The following FANCB variants were observed in gnomAD, a reference collection of about 807,000 sequenced individuals.
FANCB encodes FA complementation group B, also known as Fanconi anemia group B protein.
Under a neutral mutation model 38.9 loss-of-function variants are expected in FANCB, and 5 were observed. The observed-to-expected ratio is 0.13, with a 90% CI of 0.07 to 0.27. FANCB has a LOEUF of 0.27. FANCB is among the 10% of genes least tolerant of loss of function. The pLI is 1.00. For synonymous variants in FANCB, 236 were observed against 215.4 expected (o/e 1.10, Z -0.84); for missense variants, 573 against 602.7 (o/e 0.95, Z 0.52).
chrX:14,771,282 G>A, the FANCB span, among the ~76,000 whole-genome samples: 2 of 111,227 alleles, frequency 1.8e-5, no homozygotes, highest in South Asian at 7.6e-4. Flanking sequence ...TCAGTCGTAG[G>A]TTAGGTCTCT....
At chrX:14,749,143 C>G in the FANCB span, among the ~76,000 whole-genome samples, 1 of 111,651 alleles carries the variant, frequency 9.0e-6, no homozygotes, top group African/African-American at 3.3e-5. Flanking sequence ...ATGAAGAGGC[C>G]TTGGAGCGAA....
the FANCB span, among the ~76,000 whole-genome samples, chrX:14,825,946 T>C: frequency 8.9e-6 from 1 of 112,204 alleles, no homozygotes; most frequent in African/African-American, 3.2e-5. Context: ...ATACATTGCC[T>C]TAGCCCTGGA....
At chrX:14,741,187 T>C in the FANCB span, among the ~76,000 whole-genome samples, 1 of 111,766 alleles carries the variant, frequency 8.9e-6, no homozygotes, top group Non-Finnish European at 1.9e-5. Flanking sequence ...AGGAACCTAG[T>C]ATTACCCAGT....
At chrX:14,774,804 C>T in the FANCB span, among the ~76,000 whole-genome samples, 1 of 109,572 alleles carries the variant, frequency 9.1e-6, no homozygotes, top group Non-Finnish European at 1.9e-5. Flanking sequence ...TTTGAGGCTC[C>T]CTTCTATTTC....
At chrX:14,795,787 G>C in the FANCB span, among the ~76,000 whole-genome samples, 1 of 111,957 alleles carries the variant, frequency 8.9e-6, no homozygotes, top group East Asian at 2.8e-4. Flanking sequence ...AGAATTACCG[G>C]AGCTGGAAAG....
the FANCB span, among the ~76,000 whole-genome samples, chrX:14,826,458 T>C: frequency 8.9e-6 from 1 of 112,645 alleles, no homozygotes; most frequent in Non-Finnish European, 1.9e-5. Context: ...TTCTGTAATG[T>C]ATCCAGTTTT....
At chrX:14,706,817 A>G in the FANCB span, among the ~76,000 whole-genome samples, 1 of 112,339 alleles carries the variant, frequency 8.9e-6, no homozygotes, top group African/African-American at 3.2e-5. Context: ...TAAAACAATA[A>G]TTCTAAATAG....
At chrX:14,865,726 C>T in intron 2 of FANCB, 146 bp from the exon 3 acceptor site, 1 of 334,574 alleles carries the variant, frequency 3.0e-6, no homozygotes, top group South Asian at 8.1e-5. Flanking sequence ...CAATATCATA[C>T]TTATAAAAAA....
the FANCB span, among the ~76,000 whole-genome samples, chrX:14,767,786 T>A: frequency 8.9e-6 from 1 of 112,569 alleles, no homozygotes; most frequent in African/African-American, 3.2e-5. Context: ...TGGTATTGCC[T>A]AGATTTTCTT....
the FANCB span, among the ~76,000 whole-genome samples, chrX:14,751,015 C>T: frequency 9.0e-6 from 1 of 111,248 alleles, no homozygotes; most frequent in Non-Finnish European, 1.9e-5. Flanking sequence ...AGCAGCATAC[C>T]CTCAATAAGA....
chrX:14,772,753 C>T, the FANCB span, among the ~76,000 whole-genome samples: 64 of 111,235 alleles, frequency 5.8e-4, no homozygotes, highest in East Asian at 0.012. Flanking sequence ...GCCTGAGCAG[C>T]TGCTCTGCCA....
At chrX:14,741,465 T>G in the FANCB span, among the ~76,000 whole-genome samples, 2 of 111,592 alleles carry the variant, frequency 1.8e-5, no homozygotes, top group Admixed American at 1.9e-4. Flanking sequence ...ACCCTCACTA[T>G]GTACTAGTAA....
the FANCB span, among the ~76,000 whole-genome samples, chrX:14,692,275 A>G: frequency 1.3e-4 from 15 of 112,198 alleles, no homozygotes; most frequent in Non-Finnish European, 2.8e-4. Context: ...GCCTTTCTCA[A>G]TTTTCTCCTC....
chrX:14,853,581 A>C (rs1450626846), intron 5 of FANCB, among the ~76,000 whole-genome samples: 4 of 112,448 alleles, frequency 3.6e-5, no homozygotes, highest in Non-Finnish European at 7.5e-5. Context: ...CAAAGACAGC[A>C]TAATGAATAG....
At chrX:14,840,492 T>A (rs1261473651), downstream of FANCB, among the ~76,000 whole-genome samples, 1 of 111,379 alleles carries the variant, frequency 9.0e-6, no homozygotes, top group African/African-American at 3.3e-5. Flanking sequence ...GAACTAGGGA[T>A]GAGATTCACC....
At chrX:14,733,113 C>A in the FANCB span, among the ~76,000 whole-genome samples, 1 of 111,889 alleles carries the variant, frequency 8.9e-6, no homozygotes, top group African/African-American at 3.2e-5. Flanking sequence ...TTTCCGAACA[C>A]CAATTATTAG....
chrX:14,716,039 C>T, the FANCB span, among the ~76,000 whole-genome samples: 3 of 111,479 alleles, frequency 2.7e-5, no homozygotes, highest in African/African-American at 9.8e-5. Context: ...AAGCACTGGG[C>T]ACTGTGTGAC....
the FANCB span, among the ~76,000 whole-genome samples, chrX:14,815,246 C>G: frequency 9.1e-6 from 1 of 110,021 alleles, no homozygotes; most frequent in Non-Finnish European, 1.9e-5. Flanking sequence ...GTGCAGCAAG[C>G]CAACATGGCA....
At chrX:14,847,983 C>A (rs1388323906) in intron 7 of FANCB, among the ~76,000 whole-genome samples, 2 of 111,298 alleles carry the variant, frequency 1.8e-5, no homozygotes, top group African/African-American at 6.5e-5. Context: ...AAAATATAAG[C>A]AAAATGTATT....
Sources: allele counts gnomAD v4.1 joint callset (sites outside exome capture counted in the v4.1 genomes callset), GRCh38; gene constraint gnomAD v4.1.1; transcripts MANE v1.5; gene names NCBI Gene and HGNC (gene_info 2026-07-23, HGNC 2026-07-21).